CSMD2: variants seen among roughly 807,000 people sequenced by gnomAD.
CSMD2 encodes CUB and Sushi multiple domains 2, also known as CUB and sushi domain-containing protein 2.
A neutral mutation model predicts 398.5 loss-of-function variants in CSMD2; 130 were observed. The ratio of observed to expected loss-of-function variants is 0.33; its 90% CI spans 0.28 to 0.38. The LOEUF is 0.38. Among genes scored for constraint, CSMD2 ranks in the 10% least tolerant of loss-of-function variants. The pLI is 1.00. For missense variants in CSMD2, 3,829 were observed against 4,764.9 expected, an observed-to-expected ratio of 0.80 and a Z score of 5.78; for synonymous variants, 1,828 against 1,908.5, an observed-to-expected ratio of 0.96 and a Z score of 1.10.
rs371614819 is a variant in CSMD2, at chr1:33,846,798, G to A, written c.1033+86C>T. ...AGGCAAGGATGCCTGAAGCCACACCGGACCCAGTAGGGAGAGGTGATGAGC... is the reference window on the plus strand; with the variant it reads ...AGGCAAGGATGCCTGAAGCCACACCAGACCCAGTAGGGAGAGGTGATGAGC... On this transcript the variant is annotated intron_variant, in intron 6 of 70. Coordinates refer to ENST00000373381, the MANE Select transcript of CSMD2 (RefSeq NM_001281956.2). 38 of 753,228 alleles carry A rather than the reference G, an allele frequency of 5.0e-5. No homozygotes were observed. The African/African-American group carries it at 5.3e-4, about 10-fold the overall frequency. The allele number at this position is 753,228 out of a possible 1,614,324, so 46.7% of individuals were successfully genotyped here. A position where few individuals can be genotyped will look rare whatever the true frequency, so the allele number is the denominator to read the frequency against.
chr1:33,814,896 T>C (rs1436143503), intron 9 of CSMD2, among the ~76,000 whole-genome samples: 1 of 152,108 alleles, frequency 6.6e-6, no homozygotes, highest in Non-Finnish European at 1.5e-5. Flanking sequence ...ATCCCATCTA[T>C]TGATCCTCGC....
chr1:33,614,414 G>T, intron 40 of CSMD2, 90 bp downstream of exon 40: 2 of 763,960 alleles, frequency 2.6e-6, no homozygotes, highest in African/African-American at 3.4e-5. Flanking sequence ...CTTGGCCCAA[G>T]TTTGTGCTAA....
chr1:34,122,838 T>C (rs909945055), intron 1 of CSMD2, among the ~76,000 whole-genome samples: 1 of 152,140 alleles, frequency 6.6e-6, no homozygotes, highest in African/African-American at 2.4e-5. Context: ...AGAGGGAGGA[T>C]AGCCTGATCC....
intron 5 of CSMD2, among the ~76,000 whole-genome samples, chr1:33,906,735 G>C (rs1643114119): frequency 1.3e-5 from 2 of 152,180 alleles, no homozygotes; most frequent in African/African-American, 2.4e-5. Context: ...CCATCAGGTA[G>C]CTGGCTCTAC....
At chr1:33,530,577 CAATACCATTATGGAGTAT>C (rs1655146584) in intron 64 of CSMD2, among the ~76,000 whole-genome samples, 1 of 152,104 alleles carries the variant, frequency 6.6e-6, no homozygotes, top group Admixed American at 6.5e-5. Flanking sequence ...TATGATACAG[CAATACCATTATGGAGTAT>C]ATATCCAAAG....
At chr1:34,090,174 C>T (rs117674483) in intron 1 of CSMD2, among the ~76,000 whole-genome samples, 4 of 152,312 alleles carry the variant, frequency 2.6e-5, no homozygotes, top group South Asian at 2.1e-4. Context: ...ACTGTGCACA[C>T]GCATCACCTG....
intron 21 of CSMD2, among the ~76,000 whole-genome samples, chr1:33,713,867 A>G (rs1278794158): frequency 6.6e-6 from 1 of 152,160 alleles, no homozygotes; most frequent in Non-Finnish European, 1.5e-5. Flanking sequence ...TAGCTCCAGC[A>G]CTTTCTAAGC....
intron 4 of CSMD2, among the ~76,000 whole-genome samples, chr1:33,919,930 T>C (rs1217164644): frequency 6.6e-6 from 1 of 152,128 alleles, no homozygotes; most frequent in Admixed American, 6.5e-5. Flanking sequence ...AAAATTCCTA[T>C]CCTCCCAGAG....
At chr1:34,090,848 T>A (rs1182946134) in intron 1 of CSMD2, among the ~76,000 whole-genome samples, 1 of 152,168 alleles carries the variant, frequency 6.6e-6, no homozygotes, top group Non-Finnish European at 1.5e-5. Context: ...ATAAGGAAAA[T>A]TAAAGTATAC....
chr1:33,903,874 T>C (rs796667890), intron 5 of CSMD2, among the ~76,000 whole-genome samples: 3 of 152,308 alleles, frequency 2.0e-5, no homozygotes, highest in African/African-American at 7.2e-5. Flanking sequence ...CAGTGGTTTT[T>C]GTTTTTTGTT....
chr1:33,851,429 C>T (rs2125090087), intron 5 of CSMD2, among the ~76,000 whole-genome samples: 1 of 152,254 alleles, frequency 6.6e-6, no homozygotes, highest in East Asian at 1.9e-4. Context: ...TATAAACCAT[C>T]CCTCCCCATC....
intron 2 of CSMD2, among the ~76,000 whole-genome samples, chr1:34,081,444 C>A (rs542348720): frequency 6.6e-6 from 1 of 151,686 alleles, no homozygotes; most frequent in African/African-American, 2.4e-5. Flanking sequence ...TCTTCGTCTC[C>A]CGCTTTCCAT....
At chr1:33,815,842 T>C (rs10798995) in intron 9 of CSMD2, among the ~76,000 whole-genome samples, 105,521 of 152,122 alleles carry the variant, frequency 0.69, 38,079 homozygotes, top group African/African-American at 0.91. Context: ...CAATGGGGCA[T>C]GTACTCTAGT....
intron 5 of CSMD2, among the ~76,000 whole-genome samples, chr1:33,858,398 C>T (rs569449910): frequency 6.6e-6 from 1 of 152,256 alleles, no homozygotes; most frequent in African/African-American, 2.4e-5. Context: ...TACCCTAGCC[C>T]CAGCCAAGGG....
intron 13 of CSMD2, among the ~76,000 whole-genome samples, chr1:33,760,563 A>G (rs1649696309): frequency 6.6e-6 from 1 of 152,198 alleles, no homozygotes; most frequent in Non-Finnish European, 1.5e-5. Context: ...TGTATTTTTC[A>G]CTTATTAGCT....
intron 25 of CSMD2, among the ~76,000 whole-genome samples, chr1:33,684,176 A>G (rs1437116378): frequency 6.6e-6 from 1 of 152,196 alleles, no homozygotes. Context: ...GCATCCTCCC[A>G]GGAAGATAAG....
At chr1:34,011,466 C>T (rs550229824) in intron 3 of CSMD2, among the ~76,000 whole-genome samples, 2 of 152,274 alleles carry the variant, frequency 1.3e-5, no homozygotes, top group Admixed American at 6.5e-5. Flanking sequence ...GCTATGAGCA[C>T]GTGCCTAAGA....
intron 6 of CSMD2, among the ~76,000 whole-genome samples, chr1:33,829,680 G>T (rs181207782): frequency 2.6e-5 from 4 of 152,198 alleles, no homozygotes; most frequent in African/African-American, 7.2e-5. Context: ...GCAGCGCACC[G>T]TGCATGAGCC....
chr1:33,852,327 C>A (rs961700414), intron 5 of CSMD2, among the ~76,000 whole-genome samples: 2 of 152,358 alleles, frequency 1.3e-5, no homozygotes, highest in South Asian at 2.1e-4. Flanking sequence ...GGAAAGCCAG[C>A]AGCAATGGTT....
Sources: gnomAD v4.1 joint callset for allele counts (sites outside exome capture counted in the v4.1 genomes callset) on GRCh38, gnomAD v4.1.1 for gene constraint, MANE v1.5 for transcripts, NCBI Gene and HGNC (gene_info 2026-07-23, HGNC 2026-07-21) for gene names.